Variants in MVB12B observed in about 807,000 individuals in gnomAD.
The protein encoded by MVB12B is multivesicular body subunit 12B.
Under a neutral mutation model 41.6 loss-of-function variants are expected in MVB12B, and 16 were observed. The ratio of observed to expected loss-of-function variants is 0.38; its 90% CI spans 0.26 to 0.58. The LOEUF (loss-of-function observed/expected upper bound fraction) is 0.58, where lower values mean the gene tolerates loss of function less well. Ranked by LOEUF, MVB12B falls within the 20% of genes least tolerant of loss-of-function variation. The pLI is 0.62. For missense variants in MVB12B, 274 were observed against 380.2 expected, an observed-to-expected ratio of 0.72 and a Z score of 2.32; for synonymous variants, 133 against 139.7, an observed-to-expected ratio of 0.95 and a Z score of 0.34.
At chr9:126,444,059 C>G (rs1176380477) in intron 7 of MVB12B, among the ~76,000 whole-genome samples, 4 of 152,156 alleles carry the variant, frequency 2.6e-5, no homozygotes, top group Non-Finnish European at 4.4e-5. Context: ...TGCTTTGAGA[C>G]CTGTTCATGT....
intron 7 of MVB12B, among the ~76,000 whole-genome samples, chr9:126,437,395 A>G (rs946105675): frequency 6.6e-5 from 10 of 152,106 alleles, no homozygotes; most frequent in African/African-American, 2.4e-4. Context: ...CTGATATTAG[A>G]CTCCTTATTA....
rs146502598 is a variant in MVB12B at position 126,363,931 on chromosome 9, T to A, written c.205-17133T>A. 2.0e-3 allele frequency among the ~76,000 whole-genome samples: 299 copies of A among 152,302 alleles called. 4 individuals are homozygous for A. The highest frequency in any genetic ancestry group is 4.6e-4 in the Non-Finnish European group (31 of 68,012). On this transcript the variant is annotated intron_variant, in intron 2 of 9. Transcript: ENST00000361171. ...CTCTTTAATTACAGTTTAATTACAG[T>A]TACCACTCTTTAATTACTTCTCTGT...
intron 7 of MVB12B, among the ~76,000 whole-genome samples, chr9:126,460,800 C>T (rs931051774): frequency 1.3e-5 from 2 of 152,062 alleles, no homozygotes; most frequent in African/African-American, 4.8e-5. Flanking sequence ...GGCAGGTGCT[C>T]CTGGGGAGGT....
chr9:126,403,167 C>T (rs1804781953), intron 6 of MVB12B, among the ~76,000 whole-genome samples: 2 of 152,210 alleles, frequency 1.3e-5, no homozygotes, highest in Admixed American at 1.3e-4. Context: ...TTCCTTTTTC[C>T]TCAATCGAGA....
intron 2 of MVB12B, among the ~76,000 whole-genome samples, chr9:126,356,601 T>G (rs1201629607): frequency 6.6e-6 from 1 of 152,126 alleles, no homozygotes. Flanking sequence ...CCTTTTACAA[T>G]GCATCCCTGA....
intron 3 of MVB12B, among the ~76,000 whole-genome samples, chr9:126,381,560 C>T (rs1448168959): frequency 6.6e-6 from 1 of 152,118 alleles, no homozygotes; most frequent in African/African-American, 2.4e-5. Flanking sequence ...TGTGACCCCA[C>T]CCCATGCCCT....
intron 6 of MVB12B, among the ~76,000 whole-genome samples, chr9:126,407,044 AGT>A (rs2119041407): frequency 6.6e-6 from 1 of 152,310 alleles, no homozygotes; most frequent in African/African-American, 2.4e-5. Context: ...ATTCAACACA[AGT>A]GTATATTTTT....
intron 9 of MVB12B, among the ~76,000 whole-genome samples, chr9:126,495,191 C>CAA (rs5900709): frequency 0.34 from 45,315 of 131,550 alleles, 7,972 homozygotes; most frequent in African/African-American, 0.4. Flanking sequence ...GATCCTGTCT[C>CAA]AAAAAAAAAA....
At chr9:126,384,927 C>G (rs1830737192) in intron 3 of MVB12B, among the ~76,000 whole-genome samples, 1 of 151,606 alleles carries the variant, frequency 6.6e-6, no homozygotes, top group Admixed American at 6.6e-5. Context: ...GCCTCAACCT[C>G]CCAGGCTCCA....
At chr9:126,456,213 C>T (rs889979708) in intron 7 of MVB12B, among the ~76,000 whole-genome samples, 1 of 152,176 alleles carries the variant, frequency 6.6e-6, no homozygotes, top group African/African-American at 2.4e-5. Context: ...TTGAACATCT[C>T]TTCCCAATAC....
intron 6 of MVB12B, among the ~76,000 whole-genome samples, chr9:126,413,818 TTGTGTGTG>T (rs34089808): frequency 1.5e-4 from 16 of 109,476 alleles, no homozygotes; most frequent in Admixed American, 6.8e-4. Context: ...ACCCCATTGG[TTGTGTGTG>T]TGTGTGTGTG....
chr9:126,351,498 T>TTC (rs1171588880), intron 2 of MVB12B, among the ~76,000 whole-genome samples: 1 of 146,348 alleles, frequency 6.8e-6, no homozygotes, highest in Non-Finnish European at 1.5e-5. Context: ...TTTTTTTTTT[T>TTC]TTTTTTTTGA....
chr9:126,374,581 C>T (rs531210340), intron 2 of MVB12B, among the ~76,000 whole-genome samples: 132 of 152,318 alleles, frequency 8.7e-4, no homozygotes, highest in Non-Finnish European at 1.5e-3. Flanking sequence ...AGCCTTGTGT[C>T]GATTCTGTGG....
Position 126,425,407 on chromosome 9 carries a change from C to T in MVB12B, c.757+3459C>T, listed in dbSNP as rs919523353. ...TTTTTTTGGCCTCTTTGCAGTTACTCATTTTCCATAATAGCACGTGTTGCT... is the reference window on the plus strand; with the variant it reads ...TTTTTTTGGCCTCTTTGCAGTTACTTATTTTCCATAATAGCACGTGTTGCT... On this transcript the variant is annotated intron_variant, in intron 7 of 9. Coordinates refer to ENST00000361171, the MANE Select transcript of MVB12B (RefSeq NM_033446.3). Among the ~76,000 whole-genome samples, 5 of 152,130 alleles carry T rather than the reference C, an allele frequency of 3.3e-5. No individual in the cohort carries two copies. The East Asian group carries it at 7.7e-4, about 23-fold the overall frequency.
chr9:126,376,963 C>T lies in MVB12B; in HGVS notation c.205-4101C>T, dbSNP rs1233007008. On this transcript the variant is annotated intron_variant, in intron 2 of 9. Coordinates refer to ENST00000361171, the MANE Select transcript of MVB12B (RefSeq NM_033446.3). The surrounding 1 kb of genome is among the most constrained non-coding windows in gnomAD (Gnocchi z 4.1). ...TGATTCTGGATCCTGGGGCTCTGCT[C>T]AGTATCGGCTGCCACGGGCCCCTTA... 6.6e-6 allele frequency among the ~76,000 whole-genome samples: 1 copy of T among 151,390 alleles called. No homozygotes were observed. Among genetic ancestry groups the T allele is most frequent in the Non-Finnish European group, 1.5e-5 (1 of 67,822 alleles).
chr9:126,430,208 T>G (rs1037919319), intron 7 of MVB12B, among the ~76,000 whole-genome samples: 1 of 152,100 alleles, frequency 6.6e-6, no homozygotes, highest in African/African-American at 2.4e-5. Context: ...TTTGTGCCCC[T>G]CCACAGCCTG....
intron 6 of MVB12B, among the ~76,000 whole-genome samples, chr9:126,400,327 G>A (rs915216438): frequency 3.3e-5 from 5 of 152,062 alleles, no homozygotes; most frequent in Non-Finnish European, 7.4e-5. Context: ...ATAGATTTAG[G>A]CTTAACACTT....
chr9:126,336,345 C>T (rs373059657), intron 1 of MVB12B, among the ~76,000 whole-genome samples: 17 of 152,386 alleles, frequency 1.1e-4, no homozygotes, highest in Admixed American at 2.6e-4. Context: ...CCGGGAGGCA[C>T]ACCTTTGATT....
At chr9:126,431,299 A>T (rs1037640291) in intron 7 of MVB12B, among the ~76,000 whole-genome samples, 1 of 152,212 alleles carries the variant, frequency 6.6e-6, no homozygotes, top group African/African-American at 2.4e-5. Context: ...TTTCCGTGGC[A>T]AGCAGCCCAC....
Sources: allele counts gnomAD v4.1 joint callset (sites outside exome capture counted in the v4.1 genomes callset), GRCh38; gene constraint gnomAD v4.1.1; non-coding constraint Gnocchi (gnomAD v3.1); transcripts MANE v1.5; gene names NCBI Gene and HGNC (gene_info 2026-07-23, HGNC 2026-07-21).